The following LUC7L2 variants were observed in gnomAD, a reference collection of about 807,000 sequenced individuals.
LUC7L2 encodes the protein LUC7 like 2, pre-mRNA splicing factor, also known as putative RNA-binding protein Luc7-like 2.
Under a neutral mutation model 52.8 loss-of-function variants are expected in LUC7L2, and 25 were observed. That is an observed-to-expected ratio of 0.47 (90% CI 0.34 to 0.66). LUC7L2 has a LOEUF of 0.66. LUC7L2 is among the 30% of genes least tolerant of loss of function. The pLI is 0.01. For synonymous variants in LUC7L2, 144 were observed against 160.9 expected, an observed-to-expected ratio of 0.89 and a Z score of 0.80; for missense variants, 328 against 497.8, an observed-to-expected ratio of 0.66 and a Z score of 3.25.
At position 139,410,132 on chromosome 7, in the gene LUC7L2, G is replaced by C. The variant is rs868649848; in HGVS notation, c.779+478G>C. On this transcript the variant is annotated intron_variant, in intron 7 of 9. Coordinates refer to ENST00000354926, the MANE Select transcript of LUC7L2 (RefSeq NM_016019.5). ...TGAGGCAGGAGAATGGCGTGAACCT[G>C]GGGGGGCAGAGCCTGCAGTGAGCTG... Among the ~76,000 whole-genome samples the C allele has an allele frequency of 5.3e-4, 80 of 150,070 alleles. No homozygotes were observed. The Middle Eastern group carries it at 0.021, about 39-fold the overall frequency.
At chr7:139,374,930 T>G in intron 1 of LUC7L2, 2 of 991,980 alleles carry the variant, frequency 2.0e-6, no homozygotes, top group Non-Finnish European at 2.4e-6. Flanking sequence ...CGAAAGTTTT[T>G]GGAGTGCTCC....
At chr7:139,359,058 T>C (rs890404639), upstream of LUC7L2, 6 of 152,226 alleles carry the variant, frequency 3.9e-5, no homozygotes, top group African/African-American at 1.4e-4. Flanking sequence ...TTCCAGTTTG[T>C]TCTAACAGCC....
chr7:139,363,107 G>A (rs1269854059), intron 1 of LUC7L2: 1 of 473,552 alleles, frequency 2.1e-6, no homozygotes, highest in Admixed American at 6.4e-5. Context: ...GCCAGGAGGT[G>A]GGAGAGAAAT....
At position 139,422,515 on chromosome 7, in the gene LUC7L2, A is replaced by G; in HGVS notation, c.*175A>G. On this transcript the variant is annotated 3_prime_UTR_variant, in exon 10 of 10. Coordinates refer to ENST00000354926, the MANE Select transcript of LUC7L2 (RefSeq NM_016019.5). ...CCTGTTTTCCTTGATGATGCCTAAA[A>G]CTACATCCATAGTTTCTGGTGAACC... The G allele has an allele frequency of 7.9e-7, 1 of 1,259,460 alleles. No individual in the cohort carries two copies. Among genetic ancestry groups the G allele is most frequent in the East Asian group, 2.8e-5 (1 of 35,268 alleles). The allele number at this position is 1,259,460 out of a possible 1,614,324, so 78.0% of individuals were successfully genotyped here.
In LUC7L2 at chr7:139,417,740, GTCAA is replaced by G. The variant is rs1011878231; in HGVS notation, c.1001+15_1001+18del. The G allele has an allele frequency of 6.2e-6, 10 of 1,610,414 alleles. No individual in the cohort carries two copies. Among genetic ancestry groups the G allele is most frequent in the Non-Finnish European group, 8.5e-6 (10 of 1,177,114 alleles). On this transcript the variant is annotated intron_variant, in intron 9 of 9. Transcript: ENST00000354926. ...ACGATCCAAGAGGAGGTATTGATGTGTCAATCAGAGGATATGGAGCTACCTTAAT... is the reference window on the plus strand; with the variant it reads ...ACGATCCAAGAGGAGGTATTGATGTGTCAGAGGATATGGAGCTACCTTAAT...
intron 1 of LUC7L2, among the ~76,000 whole-genome samples, chr7:139,350,161 G>A (rs1380743501): frequency 3.3e-5 from 5 of 151,996 alleles, no homozygotes; most frequent in South Asian, 2.1e-4. Context: ...TCGCTCTGTG[G>A]CCCAGGCTGG....
At position 139,376,135 on chromosome 7, in the gene LUC7L2, T is replaced by A. The variant is rs1800697071; in HGVS notation, c.135T>A (p.Pro45=). The change falls in exon 2 of 10, where the codon CCT becomes CCA. Residue 45 remains proline (P), a synonymous_variant. Transcript: ENST00000354926. Reference sequence around the variant, plus strand: ...AGAGTCACCTTCTCAACTGTTGTCCTCATGATGTCCTTTCTGGAACTGTAT... The same window carrying A: ...AGAGTCACCTTCTCAACTGTTGTCCACATGATGTCCTTTCTGGAACTGTAT... The part of the protein sequence containing the change: ...VCKSHLLNCC[P]HDVLSGTRMD... 1 of 1,613,770 alleles carries A rather than the reference T, an allele frequency of 6.2e-7. No individual in the cohort carries two copies. Among genetic ancestry groups the A allele is most frequent in the African/African-American group, 1.3e-5 (1 of 74,930 alleles).
intron 1 of LUC7L2, among the ~76,000 whole-genome samples, chr7:139,367,719 G>A (rs1030788385): frequency 3.3e-5 from 5 of 152,184 alleles, no homozygotes; most frequent in Non-Finnish European, 2.9e-5. Context: ...AGAAATACAA[G>A]CCTGTGAGAC....
intron 5 of LUC7L2, among the ~76,000 whole-genome samples, chr7:139,406,162 C>A (rs888931640): frequency 1.3e-5 from 2 of 152,022 alleles, no homozygotes; most frequent in African/African-American, 4.8e-5. Context: ...AGCGATTCTC[C>A]TGCCTCAGCC....
intron 2 of LUC7L2, 34 bp downstream of exon 2, chr7:139,376,190 G>C (rs1800700880): frequency 6.2e-7 from 1 of 1,604,882 alleles, no homozygotes; most frequent in Non-Finnish European, 8.5e-7. Context: ...TTAGATTACT[G>C]ATATGCTGCA....
At chr7:139,380,369 T>C (rs1244893939) in intron 2 of LUC7L2, among the ~76,000 whole-genome samples, 1 of 151,200 alleles carries the variant, frequency 6.6e-6, no homozygotes, top group African/African-American at 2.4e-5. Context: ...CGAGGGGGGA[T>C]GGGGGATCAT....
chr7:139,418,449 C>A (rs923313700), intron 9 of LUC7L2, among the ~76,000 whole-genome samples: 1 of 152,144 alleles, frequency 6.6e-6, no homozygotes, highest in Non-Finnish European at 1.5e-5. Flanking sequence ...TAACGTAAGC[C>A]ATGTTTAAAA....
In LUC7L2 at chr7:139,415,723, C is replaced by G. The variant is rs1795566477; in HGVS notation, c.810-1815C>G. On this transcript the variant is annotated intron_variant, in intron 8 of 9. Coordinates refer to ENST00000354926, the MANE Select transcript of LUC7L2 (RefSeq NM_016019.5). ...TTGCTCAGGCTGGTCTTGAACTCCT[C>G]CCGTTTAAGGATTAAGCAGTCCTCC... is the stretch of plus-strand genomic sequence containing the variant. Among the ~76,000 whole-genome samples the G allele has an allele frequency of 7.3e-5, 11 of 151,718 alleles. No homozygotes were observed. The South Asian group carries it at 2.3e-3, about 32-fold the overall frequency.
chr7:139,363,976 C>CTTTTTTTTTT lies in LUC7L2; in HGVS notation c.61+3672_61+3681dup, dbSNP rs1169793101. Among the ~76,000 whole-genome samples the CTTTTTTTTTT allele has an allele frequency of 1.3e-3, 123 of 96,096 alleles. 23 individuals carry two copies. Among genetic ancestry groups the CTTTTTTTTTT allele is most frequent in the African/African-American group, 6.1e-3 (105 of 17,262 alleles). 63.0% of individuals were successfully genotyped at this position (96,096 alleles called of 152,430 possible). A position where few individuals can be genotyped will look rare whatever the true frequency, so the allele number is the denominator to read the frequency against. ...TGAGGGTGTGGATTTAGATTACATC[C>CTTTTTTTTTT]TTTTTTTTTTTTTTTTTTTTTTTTT... is the stretch of plus-strand genomic sequence containing the variant. On this transcript the variant is annotated intron_variant, in intron 1 of 9. Transcript: ENST00000354926.
At chr7:139,363,777 A>G (rs1233740524) in intron 1 of LUC7L2, among the ~76,000 whole-genome samples, 2 of 152,110 alleles carry the variant, frequency 1.3e-5, no homozygotes, top group Non-Finnish European at 2.9e-5. Context: ...TCTGTGTGAC[A>G]GTTGGAAGAA....
At chr7:139,379,724 C>G (rs1482080298) in intron 2 of LUC7L2, among the ~76,000 whole-genome samples, 1 of 151,420 alleles carries the variant, frequency 6.6e-6, no homozygotes, top group Non-Finnish European at 1.5e-5. Context: ...CACCACTACA[C>G]CCAGCTAATT....
chr7:139,393,607 C>T (rs1196206797), intron 2 of LUC7L2, among the ~76,000 whole-genome samples: 1 of 151,972 alleles, frequency 6.6e-6, no homozygotes, highest in Non-Finnish European at 1.5e-5. Flanking sequence ...CCACCCTGTC[C>T]AGCTATTTTT....
chr7:139,402,696 T>C (rs1794966733), intron 4 of LUC7L2, among the ~76,000 whole-genome samples: 2 of 152,110 alleles, frequency 1.3e-5, no homozygotes, highest in Non-Finnish European at 2.9e-5. Context: ...CTAATTTTTT[T>C]TATTTTTAGC....
intron 3 of LUC7L2, 133 bp from the exon 4 acceptor site, chr7:139,402,004 G>A (rs988336958): frequency 3.7e-5 from 33 of 891,060 alleles, no homozygotes; most frequent in Non-Finnish European, 5.1e-5. Flanking sequence ...CTCCTAAAGT[G>A]CTCAATTACT....
Sources: allele counts gnomAD v4.1 joint callset (sites outside exome capture counted in the v4.1 genomes callset), GRCh38; gene constraint gnomAD v4.1.1; transcripts MANE v1.5; gene names NCBI Gene and HGNC (gene_info 2026-07-23, HGNC 2026-07-21).